The following OPA1 variants were observed in gnomAD, a reference collection of about 807,000 sequenced individuals.
OPA1 encodes the protein OPA1 mitochondrial dynamin like GTPase, also known as dynamin-like GTPase OPA1, mitochondrial.
OPA1 carries 59 observed loss-of-function variants against 152.9 expected under a neutral mutation model. That is an observed-to-expected ratio of 0.39 (90% CI 0.31 to 0.48). The LOEUF is 0.48. Among genes scored for constraint, OPA1 ranks in the 20% least tolerant of loss-of-function variants. OPA1 has a pLI of 0.96. For synonymous variants in OPA1, 400 were observed against 389.9 expected, an observed-to-expected ratio of 1.03 and a Z score of -0.31; for missense variants, 1,008 against 1,216.8, an observed-to-expected ratio of 0.83 and a Z score of 2.55.
chr3:193,647,229 C>A, intron 19 of OPA1, 49 bp downstream of exon 19: 1 of 1,208,760 alleles, frequency 8.3e-7, no homozygotes, highest in Non-Finnish European at 1.2e-6. Flanking sequence ...ATTTTATTAG[C>A]TGGCAATCTT....
chr3:193,674,368 A>G (rs1269963473), intron 29 of OPA1, among the ~76,000 whole-genome samples: 5 of 152,240 alleles, frequency 3.3e-5, no homozygotes, highest in Non-Finnish European at 7.3e-5. Flanking sequence ...CATGTTTTAA[A>G]TGAAAACTTT....
At chr3:193,641,983 G>A (rs1408779405) in intron 11 of OPA1, among the ~76,000 whole-genome samples, 1 of 152,182 alleles carries the variant, frequency 6.6e-6, no homozygotes, top group African/African-American at 2.4e-5. Flanking sequence ...AGGTGTGGTG[G>A]CGGGCATCTG....
At chr3:193,667,962 A>G (rs1717014247) in intron 29 of OPA1, among the ~76,000 whole-genome samples, 1 of 152,210 alleles carries the variant, frequency 6.6e-6, no homozygotes, top group South Asian at 2.1e-4. Flanking sequence ...ATGGAGACCT[A>G]GAAATTATAT....
chr3:193,668,640 AC>A (rs1223035379), intron 29 of OPA1: 1 of 1,515,978 alleles, frequency 6.6e-7, no homozygotes, highest in Non-Finnish European at 8.9e-7. Context: ...CTGCACAGAT[AC>A]TCTCCTCAGT....
At chr3:193,666,259 C>T (rs1716518331) in intron 27 of OPA1, 37 bp from the exon 28 acceptor site, 2 of 1,549,398 alleles carry the variant, frequency 1.3e-6, no homozygotes, top group African/African-American at 1.4e-5. Flanking sequence ...TTCATTTTAA[C>T]TTTGCATCTG....
At chr3:193,659,402 A>C (rs1714690920) in intron 24 of OPA1, 80 bp from the exon 25 acceptor site, 1 of 1,255,632 alleles carries the variant, frequency 8.0e-7, no homozygotes, top group African/African-American at 1.5e-5. Context: ...TGAAATAGTT[A>C]AGAAAGCAAG....
intron 3 of OPA1, 55 bp from the exon 4 acceptor site, chr3:193,617,123 T>C: frequency 9.5e-7 from 1 of 1,049,216 alleles, no homozygotes; most frequent in South Asian, 1.3e-5. Context: ...TTTATAAGAA[T>C]AGTATCTGAC....
chr3:193,667,863 G>A lies in OPA1; in HGVS notation c.2983+583G>A, dbSNP rs377688696. On this transcript the variant is annotated intron_variant, in intron 29 of 30. Coordinates refer to ENST00000361510, the MANE Select transcript of OPA1 (RefSeq NM_130837.3). ...CTCAGACCCCTTTCAAGTTTCACCC[G>A]TTGTCCCAGTATTATCCCTCCATAT... 2.6e-4 allele frequency among the ~76,000 whole-genome samples: 39 copies of A among 152,030 alleles called. No homozygotes were observed. In the South Asian group the frequency reaches 7.3e-3, roughly 28 times the overall value.
intron 29 of OPA1, chr3:193,691,664 T>C (rs2109458185): frequency 6.3e-6 from 1 of 158,178 alleles, no homozygotes; most frequent in South Asian, 1.9e-4. Flanking sequence ...TATTTTCTTT[T>C]AGTTTTTTAA....
At chr3:193,638,121 G>T in intron 11 of OPA1, 56 bp downstream of exon 11, 1 of 1,192,866 alleles carries the variant, frequency 8.4e-7, no homozygotes, top group Non-Finnish European at 1.3e-6. Context: ...GCTTCAGTGA[G>T]ACCTGTTCAT....
At chr3:193,663,293 T>A (rs1715732312) in intron 26 of OPA1, among the ~76,000 whole-genome samples, 1 of 152,130 alleles carries the variant, frequency 6.6e-6, no homozygotes, top group Non-Finnish European at 1.5e-5. Context: ...CAAAATAGAA[T>A]TTCTGTTTAA....
In OPA1 at chr3:193,614,723, T is replaced by G; in HGVS notation, c.33T>G (p.Cys11Trp). 2.5e-6 allele frequency: 4 copies of G among 1,610,568 alleles called. No homozygotes were observed. Among genetic ancestry groups the G allele is most frequent in the Non-Finnish European group, 3.4e-6 (4 of 1,176,716 alleles). Residue 11 changes from cysteine to tryptophan, a missense_variant and splice_region_variant, in exon 2 of 31, where the codon TGT becomes TGG. Physicochemically the swap from Cys to Trp is radical, Grantham distance 215. Around this residue, in one of 7 missense-constraint regions of OPA1, gnomAD observed 408 missense variants for 395.1 expected, o/e 1.03. Coordinates refer to ENST00000361510, the MANE Select transcript of OPA1 (RefSeq NM_130837.3). ...TCTTCCATATTCATTTTTCTTTCAGTGAGGTCTGCCAGTCTTTAGTGAAAC... is the reference window on the plus strand; with the variant it reads ...TCTTCCATATTCATTTTTCTTTCAGGGAGGTCTGCCAGTCTTTAGTGAAAC... MWRLRRAAVA[C>W]EVCQSLVKHS...
intron 1 of OPA1, among the ~76,000 whole-genome samples, chr3:193,600,695 C>T (rs183117439): frequency 3.3e-5 from 5 of 152,224 alleles, no homozygotes; most frequent in Admixed American, 6.5e-5. Flanking sequence ...AAGAGGTGCT[C>T]GTTTTCATTG....
chr3:193,673,453 T>C (rs1718351700), intron 29 of OPA1, among the ~76,000 whole-genome samples: 1 of 152,214 alleles, frequency 6.6e-6, no homozygotes, highest in Admixed American at 6.5e-5. Context: ...GGGAAGTTAA[T>C]TTTCTTTATA....
chr3:193,681,600 A>G (rs533336143), intron 29 of OPA1, among the ~76,000 whole-genome samples: 2 of 152,364 alleles, frequency 1.3e-5, no homozygotes, highest in Admixed American at 6.5e-5. Flanking sequence ...ATTTTTAACA[A>G]TAGAAGTTTT....
chr3:193,683,827 G>T (rs989362323), intron 29 of OPA1, among the ~76,000 whole-genome samples: 1 of 152,124 alleles, frequency 6.6e-6, no homozygotes, highest in African/African-American at 2.4e-5. Context: ...TACTGTAAAC[G>T]TAACTTAAAC....
At chr3:193,682,317 A>G (rs1720279820) in intron 29 of OPA1, among the ~76,000 whole-genome samples, 1 of 152,228 alleles carries the variant, frequency 6.6e-6, no homozygotes, top group East Asian at 1.9e-4. Flanking sequence ...TTTGGTTCAT[A>G]AGGTTTAAGA....
At chr3:193,669,035 T>G in intron 29 of OPA1, 1 of 231,592 alleles carries the variant, frequency 4.3e-6, no homozygotes, top group South Asian at 1.4e-4. Flanking sequence ...TCTTATTAGT[T>G]TTCTGATATC....
Position 193,648,005 on chromosome 3 carries a change from C to T in OPA1, c.1871-65C>T. The stretch of plus-strand genomic sequence containing the variant: ...TAATACAGAGGATATGTATTTTAAC[C>T]ACTTTAACCACTACATCTGGAAAGA... On this transcript the variant is annotated intron_variant, in intron 19 of 30. Coordinates refer to ENST00000361510, the MANE Select transcript of OPA1 (RefSeq NM_130837.3). 7.9e-6 allele frequency: 9 copies of T among 1,139,426 alleles called. No homozygotes were observed. In the East Asian group the frequency reaches 2.1e-4, roughly 27 times the overall value. 70.6% of individuals were successfully genotyped at this position (1,139,426 alleles called of 1,614,324 possible). A position where few individuals can be genotyped will look rare whatever the true frequency, so the allele number is the denominator to read the frequency against.
Sources: allele counts gnomAD v4.1 joint callset (sites outside exome capture counted in the v4.1 genomes callset), GRCh38; gene constraint gnomAD v4.1.1; regional missense constraint gnomAD v4.1.1; transcripts MANE v1.5; gene names NCBI Gene and HGNC (gene_info 2026-07-23, HGNC 2026-07-21).